FHIT: variants seen among roughly 807,000 people sequenced by gnomAD.
The protein encoded by FHIT is fragile histidine triad diadenosine triphosphatase.
Under a neutral mutation model 17.9 loss-of-function variants are expected in FHIT, and 19 were observed. That is an observed-to-expected ratio of 1.06 (90% confidence interval 0.74 to 1.56). The LOEUF (loss-of-function observed/expected upper bound fraction) is 1.56. FHIT is among the 40% of genes most tolerant of loss of function. The probability of loss-of-function intolerance (pLI) is 0.00; values close to 1 mark genes in which losing one functional copy is unlikely to be tolerated. For synonymous variants in FHIT, 81 were observed against 69.7 expected (o/e 1.16, Z -0.81); for missense variants, 248 against 189.2 (o/e 1.31, Z -1.82).
rs182214372 is a variant in FHIT at position 60,269,620 on chromosome 3, T to G, written c.104-255468A>C. On this transcript the variant is annotated intron_variant, in intron 5 of 9. Coordinates refer to ENST00000492590, the MANE Select transcript of FHIT (RefSeq NM_002012.4). ...AAGAAATATCTTTTGAGGTAGGCAG[T>G]CTTTTATCTATTTCTCCATTCAACC... is the stretch of plus-strand genomic sequence containing the variant. 7.0e-3 allele frequency among the ~76,000 whole-genome samples: 1,069 copies of G among 152,332 alleles called. 19 individuals are homozygous for G. The highest frequency in any genetic ancestry group is 8.4e-3 in the Non-Finnish European group (569 of 68,032).
At chr3:60,736,399 C>T (rs781877227) in intron 4 of FHIT, among the ~76,000 whole-genome samples, 12 of 152,128 alleles carry the variant, frequency 7.9e-5, no homozygotes, top group Non-Finnish European at 1.3e-4. Context: ...CTTAAATTTC[C>T]ATTTACTAAT....
chr3:60,404,428 G>A (rs895464033), intron 5 of FHIT, among the ~76,000 whole-genome samples: 19 of 152,224 alleles, frequency 1.2e-4, no homozygotes, highest in African/African-American at 3.9e-4. Context: ...CTCGGGATGT[G>A]ACAGTAGCTA....
At chr3:59,829,947 G>A (rs761584780) in intron 8 of FHIT, among the ~76,000 whole-genome samples, 7 of 151,940 alleles carry the variant, frequency 4.6e-5, no homozygotes, top group Non-Finnish European at 1.0e-4. Context: ...AAATTAGCTC[G>A]TGCCTATAGT....
intron 4 of FHIT, among the ~76,000 whole-genome samples, chr3:60,665,112 T>C (rs782109961): frequency 2.6e-5 from 4 of 152,018 alleles, no homozygotes; most frequent in Non-Finnish European, 5.9e-5. Flanking sequence ...TAAATTTTCA[T>C]GTTTTAGAGA....
chr3:60,189,197 G>T, intron 5 of FHIT, among the ~76,000 whole-genome samples: 1 of 151,022 alleles, frequency 6.6e-6, no homozygotes, highest in Non-Finnish European at 1.5e-5. Flanking sequence ...ATAAATGAAA[G>T]GGAAAAAAAA....
intron 4 of FHIT, among the ~76,000 whole-genome samples, chr3:60,652,966 T>C (rs114020642): frequency 3.7e-5 from 5 of 135,854 alleles, no homozygotes; most frequent in African/African-American, 1.1e-4. Context: ...AACCTTACTC[T>C]AGCACATTGC....
intron 2 of FHIT, among the ~76,000 whole-genome samples, chr3:61,114,893 C>A (rs1328429909): frequency 2.6e-5 from 4 of 152,150 alleles, no homozygotes; most frequent in African/African-American, 7.2e-5. Context: ...GCTTCCAGTA[C>A]AAAGTTTAAA....
At chr3:59,941,776 T>C (rs1043742830) in intron 7 of FHIT, among the ~76,000 whole-genome samples, 1 of 152,138 alleles carries the variant, frequency 6.6e-6, no homozygotes, top group African/African-American at 2.4e-5. Flanking sequence ...CGAGGTCCTC[T>C]GAGGGCAAAC....
rs545749981 is a variant in FHIT, at chr3:60,300,097, G to A, written c.103+236763C>T. Among the ~76,000 whole-genome samples the A allele has an allele frequency of 7.2e-5, 11 of 152,058 alleles. No homozygotes were observed. The South Asian group carries it at 1.5e-3, about 20-fold the overall frequency. On this transcript the variant is annotated intron_variant, in intron 5 of 9. Transcript: ENST00000492590. The stretch of plus-strand genomic sequence containing the variant: ...GGAATTCACTACCATATTGTTTCTT[G>A]TGTCTCCAGGTCTCTAGCTGATCTG...
intron 5 of FHIT, among the ~76,000 whole-genome samples, chr3:60,325,069 A>G (rs1420253670): frequency 2.0e-5 from 3 of 152,006 alleles, no homozygotes; most frequent in Admixed American, 2.0e-4. Context: ...TCCAAAGAGC[A>G]GGTCAACACT....
intron 3 of FHIT, among the ~76,000 whole-genome samples, chr3:60,897,386 A>G (rs1360094033): frequency 6.6e-6 from 1 of 152,100 alleles, no homozygotes; most frequent in Non-Finnish European, 1.5e-5. Context: ...CAATATTAGC[A>G]TTTTATCAGA....
intron 7 of FHIT, among the ~76,000 whole-genome samples, chr3:59,998,486 A>T (rs1283276708): frequency 6.6e-6 from 1 of 152,136 alleles, no homozygotes; most frequent in Non-Finnish European, 1.5e-5. Flanking sequence ...GGATTTTATG[A>T]AGCCTGAACC....
intron 8 of FHIT, among the ~76,000 whole-genome samples, chr3:59,802,342 T>C (rs28495306): frequency 1.8e-3 from 268 of 152,300 alleles, no homozygotes; most frequent in African/African-American, 6.1e-3. Context: ...TTCTCTTAAT[T>C]CATTGTTGTC....
At chr3:60,392,661 C>G (rs933091457) in intron 5 of FHIT, among the ~76,000 whole-genome samples, 1 of 152,114 alleles carries the variant, frequency 6.6e-6, no homozygotes, top group African/African-American at 2.4e-5. Flanking sequence ...AAATTTTAAC[C>G]AAGTGAGATT....
intron 7 of FHIT, among the ~76,000 whole-genome samples, chr3:59,925,437 C>T (rs1336301681): frequency 6.6e-6 from 1 of 152,154 alleles, no homozygotes; most frequent in African/African-American, 2.4e-5. Flanking sequence ...GCTTCTCTGG[C>T]TTTCTGCACT....
chr3:60,238,143 CAA>C (rs5849346), intron 5 of FHIT, among the ~76,000 whole-genome samples: 3 of 111,814 alleles, frequency 2.7e-5, no homozygotes, highest in African/African-American at 3.6e-5. Flanking sequence ...GACTCCGTCT[CAA>C]AAAAAAAAAA....
intron 8 of FHIT, among the ~76,000 whole-genome samples, chr3:59,871,540 C>A (rs906313572): frequency 2.0e-5 from 3 of 152,068 alleles, no homozygotes; most frequent in Non-Finnish European, 2.9e-5. Flanking sequence ...GGTGACAAGG[C>A]TAAGCTCACA....
chr3:60,106,881 T>C (rs945456438), intron 5 of FHIT, among the ~76,000 whole-genome samples: 2 of 152,212 alleles, frequency 1.3e-5, no homozygotes, highest in Non-Finnish European at 1.5e-5. Flanking sequence ...GTGTATTTTA[T>C]CCTTTTTAAT....
intron 5 of FHIT, among the ~76,000 whole-genome samples, chr3:60,059,480 G>C (rs955045624): frequency 2.0e-5 from 3 of 152,096 alleles, no homozygotes; most frequent in Admixed American, 1.3e-4. Context: ...CACGTCAAAA[G>C]GTCAAACGTT....
Sources: allele counts gnomAD v4.1 joint callset (sites outside exome capture counted in the v4.1 genomes callset), GRCh38; gene constraint gnomAD v4.1.1; transcripts MANE v1.5; gene names NCBI Gene and HGNC (gene_info 2026-07-23, HGNC 2026-07-21).